The following CADM2 variants were observed in gnomAD, a reference collection of about 807,000 sequenced individuals.
CADM2 encodes the protein immunoglobulin superfamily member 4D.
In CADM2, 12 loss-of-function variants were observed where a neutral mutation model predicts 49.8. The observed-to-expected ratio is 0.24, with a 90% CI of 0.15 to 0.39. The LOEUF (loss-of-function observed/expected upper bound fraction) is 0.39. Ranked by LOEUF, CADM2 falls within the 10% of genes least tolerant of loss-of-function variation. The pLI is 1.00. For synonymous variants in CADM2, 214 were observed against 175.4 expected (o/e 1.22, Z -1.74); for missense variants, 378 against 492.3 (o/e 0.77, Z 2.20).
At chr3:86,020,899 C>A (rs1733072000) in intron 8 of CADM2, among the ~76,000 whole-genome samples, 1 of 152,098 alleles carries the variant, frequency 6.6e-6, no homozygotes, top group Non-Finnish European at 1.5e-5. Flanking sequence ...TGGGCAAAAA[C>A]TGGAAGCATT....
intron 1 of CADM2, among the ~76,000 whole-genome samples, chr3:85,024,036 G>T (rs2034619255): frequency 6.6e-6 from 1 of 151,990 alleles, no homozygotes; most frequent in Non-Finnish European, 1.5e-5. Flanking sequence ...TAAATTTAAA[G>T]ATACCAAACA....
intron 1 of CADM2, among the ~76,000 whole-genome samples, chr3:85,488,296 T>G (rs2039514569): frequency 6.6e-6 from 1 of 152,146 alleles, no homozygotes; most frequent in Non-Finnish European, 1.5e-5. Flanking sequence ...GTCCCAATTC[T>G]GAGTATTTGG....
intron 1 of CADM2, among the ~76,000 whole-genome samples, chr3:85,670,464 T>C (rs1159041338): frequency 1.3e-5 from 2 of 152,102 alleles, no homozygotes; most frequent in African/African-American, 4.8e-5. Flanking sequence ...TTCAAAATTT[T>C]TGCGCTCTGC....
chr3:85,410,978 C>T (rs1015592567), intron 1 of CADM2, among the ~76,000 whole-genome samples: 4 of 152,154 alleles, frequency 2.6e-5, no homozygotes, highest in Non-Finnish European at 5.9e-5. Context: ...ACCCGATTAA[C>T]AACATCCTAT....
At chr3:85,315,409 T>A (rs1344948713) in intron 1 of CADM2, among the ~76,000 whole-genome samples, 2 of 152,084 alleles carry the variant, frequency 1.3e-5, no homozygotes, top group Non-Finnish European at 2.9e-5. Flanking sequence ...TTGTTTTGGG[T>A]GACATAATTT....
At chr3:85,552,582 G>T (rs1034159333) in intron 1 of CADM2, among the ~76,000 whole-genome samples, 1 of 151,594 alleles carries the variant, frequency 6.6e-6, no homozygotes, top group Non-Finnish European at 1.5e-5. Context: ...GGTTTTCACC[G>T]TGTTAGCCAG....
intron 8 of CADM2, among the ~76,000 whole-genome samples, chr3:86,055,481 G>GTTTTTTTTTTTT: frequency 8.3e-6 from 1 of 121,044 alleles, no homozygotes; most frequent in Non-Finnish European, 1.6e-5. Context: ...TTTTTTTTTG[G>GTTTTTTTTTTTT]TTTTAGAGGG....
intron 3 of CADM2, among the ~76,000 whole-genome samples, chr3:85,823,326 A>T (rs1181679116): frequency 1.3e-5 from 2 of 152,190 alleles, no homozygotes; most frequent in African/African-American, 4.8e-5. Flanking sequence ...TCTATTGTGC[A>T]CTAAGGTTTT....
At chr3:85,824,591 C>A (rs17277170) in intron 3 of CADM2, among the ~76,000 whole-genome samples, 2,691 of 152,138 alleles carry the variant, frequency 0.018, 52 homozygotes, top group Non-Finnish European at 0.029. Flanking sequence ...GGAGTCTCTT[C>A]ATTCGTGGGT....
chr3:85,515,940 C>T, intron 1 of CADM2, among the ~76,000 whole-genome samples: 1 of 152,032 alleles, frequency 6.6e-6, no homozygotes, highest in East Asian at 1.9e-4. Context: ...TGTAATTAAA[C>T]AATAGTGACA....
intron 5 of CADM2, among the ~76,000 whole-genome samples, chr3:85,898,887 C>T (rs1167458136): frequency 7.3e-6 from 1 of 136,330 alleles, no homozygotes; most frequent in African/African-American, 2.8e-5. Context: ...AAGGCCTTGC[C>T]ATTTTCCAAA....
chr3:85,035,584 C>T (rs543385757), intron 1 of CADM2, among the ~76,000 whole-genome samples: 1 of 152,166 alleles, frequency 6.6e-6, no homozygotes, highest in African/African-American at 2.4e-5. Context: ...AATCCATTTT[C>T]GTTTGATTTT....
intron 1 of CADM2, among the ~76,000 whole-genome samples, chr3:85,597,165 G>T (rs997129317): frequency 2.0e-5 from 3 of 151,924 alleles, no homozygotes; most frequent in Non-Finnish European, 2.9e-5. Context: ...AGAAAAATAT[G>T]ACACTTAATG....
intron 1 of CADM2, among the ~76,000 whole-genome samples, chr3:85,224,976 C>G (rs1205677108): frequency 6.6e-6 from 1 of 152,080 alleles, no homozygotes; most frequent in East Asian, 1.9e-4. Context: ...GTTTTGGTAC[C>G]AGTACCATGC....
chr3:85,255,025 A>G (rs1174023156), intron 1 of CADM2, among the ~76,000 whole-genome samples: 1 of 152,106 alleles, frequency 6.6e-6, no homozygotes, highest in African/African-American at 2.4e-5. Flanking sequence ...TAAACATAGG[A>G]TGAAAATATA....
intron 1 of CADM2, among the ~76,000 whole-genome samples, chr3:85,686,267 G>T (rs1218737577): frequency 1.3e-5 from 2 of 152,048 alleles, no homozygotes; most frequent in African/African-American, 4.8e-5. Flanking sequence ...TTTATCTTAA[G>T]TTGAACTTCA....
intron 1 of CADM2, among the ~76,000 whole-genome samples, chr3:85,609,026 T>G (rs1298926719): frequency 6.6e-6 from 1 of 152,164 alleles, no homozygotes; most frequent in Non-Finnish European, 1.5e-5. Flanking sequence ...TGAATTTTTT[T>G]GTTTTCATTG....
At chr3:85,771,169 G>A (rs1375775082) in intron 2 of CADM2, among the ~76,000 whole-genome samples, 1 of 152,096 alleles carries the variant, frequency 6.6e-6, no homozygotes, top group Non-Finnish European at 1.5e-5. Flanking sequence ...GACCATAAGT[G>A]TTGTGTTTAG....
chr3:85,575,311 G>A (rs1481765660), intron 1 of CADM2, among the ~76,000 whole-genome samples: 1 of 152,210 alleles, frequency 6.6e-6, no homozygotes, highest in Non-Finnish European at 1.5e-5. Flanking sequence ...CAGCACTTTG[G>A]TAGGCCAAGG....
Sources: allele counts gnomAD v4.1 joint callset (sites outside exome capture counted in the v4.1 genomes callset), GRCh38; gene constraint gnomAD v4.1.1; transcripts MANE v1.5; gene names NCBI Gene and HGNC (gene_info 2026-07-23, HGNC 2026-07-21).